DCLRE1C: variants seen among roughly 807,000 people sequenced by gnomAD.
DCLRE1C encodes DNA cross-link repair 1C.
A neutral mutation model predicts 61.4 loss-of-function variants in DCLRE1C; 47 were observed. The ratio of observed to expected loss-of-function variants is 0.77; its 90% CI spans 0.61 to 0.98. DCLRE1C has a LOEUF of 0.98. Ranked by LOEUF, DCLRE1C falls within the 50% of genes least tolerant of loss-of-function variation. DCLRE1C has a pLI of 0.00. For missense variants in DCLRE1C, 858 were observed against 816.0 expected, an observed-to-expected ratio of 1.05 and a Z score of -0.63; for synonymous variants, 337 against 287.6, an observed-to-expected ratio of 1.17 and a Z score of -1.74.
intron 3 of DCLRE1C, among the ~76,000 whole-genome samples, chr10:14,943,481 A>T (rs1254623944): frequency 6.6e-6 from 1 of 152,192 alleles, no homozygotes; most frequent in Non-Finnish European, 1.5e-5. Flanking sequence ...CCAAAATTTC[A>T]AATTTCAACC....
At position 14,912,234 on chromosome 10, in the gene DCLRE1C, T is replaced by A. The variant is rs113634873; in HGVS notation, c.1157-2904A>T. 4.8e-3 allele frequency among the ~76,000 whole-genome samples: 738 copies of A among 152,258 alleles called. 1 individual carries two copies. Among genetic ancestry groups the A allele is most frequent in the Middle Eastern group, 6.8e-3 (2 of 294 alleles). On this transcript the variant is annotated intron_variant, in intron 13 of 13. Coordinates refer to ENST00000378278, the MANE Select transcript of DCLRE1C (RefSeq NM_001033855.3). ...CCCAGCCTAATTTTTACTTTTTTTT[T>A]AAGCAGAGACAAGTTTTCACCATGT...
Position 14,946,679 on chromosome 10 carries a change from A to G in DCLRE1C, c.162-1490T>C, listed in dbSNP as rs12762383. 8.8e-5 allele frequency among the ~76,000 whole-genome samples: 12 copies of G among 137,056 alleles called. No individual in the cohort carries two copies. The South Asian group carries it at 2.8e-3, about 32-fold the overall frequency. The allele number at this position is 137,056 out of a possible 152,430, so 89.9% of individuals were successfully genotyped here. A position where few individuals can be genotyped will look rare whatever the true frequency, so the allele number is the denominator to read the frequency against. ...TCACGCTAAAGAGATTTTTTTTTTT[A>G]GGGGGAGGGGAGCTCACTGTCACCC... is the stretch of plus-strand genomic sequence containing the variant. On this transcript the variant is annotated intron_variant, in intron 2 of 13. Coordinates refer to ENST00000378278, the MANE Select transcript of DCLRE1C (RefSeq NM_001033855.3).
At chr10:14,949,241 T>A (rs1021949781) in intron 1 of DCLRE1C, among the ~76,000 whole-genome samples, 154 bp from the exon 2 acceptor site, 2 of 152,256 alleles carry the variant, frequency 1.3e-5, no homozygotes, top group Non-Finnish European at 2.9e-5. Flanking sequence ...CTCTTTCTTC[T>A]GCAAGTGAAG....
chr10:14,901,617 G>A (rs1196253866), downstream of DCLRE1C, among the ~76,000 whole-genome samples: 2 of 151,018 alleles, frequency 1.3e-5, no homozygotes, highest in South Asian at 2.1e-4. Flanking sequence ...CTGGGCTTGA[G>A]CCCAGGAATT....
intron 1 of DCLRE1C, among the ~76,000 whole-genome samples, chr10:14,950,287 C>A (rs1842268777): frequency 6.7e-6 from 1 of 148,998 alleles, no homozygotes; most frequent in Non-Finnish European, 1.5e-5. Flanking sequence ...TTGCGGTGAG[C>A]TGAGATTGTA....
At chr10:14,912,991 G>A (rs1453003175) in intron 13 of DCLRE1C, among the ~76,000 whole-genome samples, 2 of 141,860 alleles carry the variant, frequency 1.4e-5, no homozygotes, top group African/African-American at 5.2e-5. Context: ...CAATAGCTGG[G>A]ACTACAGGCG....
At position 14,954,042 on chromosome 10, in the gene DCLRE1C, A is replaced by G. The variant is rs369682983; in HGVS notation, c.-32T>C. 50 of 1,613,320 alleles carry G rather than the reference A, an allele frequency of 3.1e-5. No homozygotes were observed. The highest frequency in any genetic ancestry group is 2.5e-4 in the Admixed American group (15 of 59,992). Reference sequence around the variant, plus strand: ...GCCGATCCCAGAGTCCGGGACCCCAAAACCGCAGCTGAAGCCAAGGCCAGC... The same window carrying G: ...GCCGATCCCAGAGTCCGGGACCCCAGAACCGCAGCTGAAGCCAAGGCCAGC... On this transcript the variant is annotated 5_prime_UTR_variant, in exon 1 of 14. Coordinates refer to ENST00000378278, the MANE Select transcript of DCLRE1C (RefSeq NM_001033855.3).
intron 13 of DCLRE1C, 135 bp downstream of exon 13, chr10:14,919,603 G>A: frequency 1.3e-6 from 1 of 742,706 alleles, no homozygotes; most frequent in Non-Finnish European, 2.5e-6. Context: ...TACTTCCTGA[G>A]ACCATGTGTC....
chr10:14,914,661 C>A (rs183577073), intron 13 of DCLRE1C, among the ~76,000 whole-genome samples: 79 of 152,190 alleles, frequency 5.2e-4, no homozygotes, highest in African/African-American at 1.7e-3. Context: ...TCAAAAGTAC[C>A]AGGCCAGGTG....
At chr10:14,930,990 G>A (rs1168569685) in intron 9 of DCLRE1C, among the ~76,000 whole-genome samples, 1 of 152,064 alleles carries the variant, frequency 6.6e-6, no homozygotes, top group Non-Finnish European at 1.5e-5. Context: ...TTATCGTAAG[G>A]GCTAGGCAAC....
chr10:14,901,295 A>C (rs1054900549), downstream of DCLRE1C: 1 of 1,612,210 alleles, frequency 6.2e-7, no homozygotes, highest in Admixed American at 1.7e-5. Context: ...CATTGGTGTC[A>C]GTTTCAATAT....
At position 14,936,598 on chromosome 10, in the gene DCLRE1C, A is replaced by G. The variant is rs1315849470; in HGVS notation, c.307-5T>C. On this transcript the variant is annotated splice_polypyrimidine_tract_variant and splice_region_variant and intron_variant, in intron 4 of 13. Transcript: ENST00000378278. ...AGTCACAACAATCTCTTCCTTCTAA[A>G]AAGAAAATAAAGAAAAAATAGTAAT... is the stretch of plus-strand genomic sequence containing the variant. 2 of 1,606,066 alleles carry G rather than the reference A, an allele frequency of 1.2e-6. No individual in the cohort carries two copies. The highest frequency in any genetic ancestry group is 1.7e-6 in the Non-Finnish European group (2 of 1,173,600).
At position 14,951,389 on chromosome 10, in the gene DCLRE1C, C is replaced by CAA. The variant is rs60272216; in HGVS notation, c.110-2304_110-2303dup. ...TGGGTGACAGAGCAAAACCCTGTCT[C>CAA]AAAAAAAAAAAAAAAAAAAAAAAAA... On this transcript the variant is annotated intron_variant, in intron 1 of 13. Coordinates refer to ENST00000378278, the MANE Select transcript of DCLRE1C (RefSeq NM_001033855.3). Among the ~76,000 whole-genome samples the CAA allele has an allele frequency of 4.4e-3, 203 of 46,050 alleles. 6 individuals are homozygous for CAA. The highest frequency in any genetic ancestry group is 0.014 in the South Asian group (12 of 864). The allele number at this position is 46,050 out of a possible 152,430, so 30.2% of individuals were successfully genotyped here.
At chr10:14,932,744 G>T in intron 9 of DCLRE1C, 110 bp downstream of exon 9, 1 of 1,280,482 alleles carries the variant, frequency 7.8e-7, no homozygotes, top group Non-Finnish European at 1.1e-6. Context: ...TAGGATTGCA[G>T]CCTCAGGTTT....
At chr10:14,948,705 A>T (rs1040620267) in intron 2 of DCLRE1C, among the ~76,000 whole-genome samples, 3 of 151,024 alleles carry the variant, frequency 2.0e-5, no homozygotes, top group Admixed American at 6.6e-5. Context: ...GCAAAACTCC[A>T]TCTCTGTTTT....
chr10:14,898,754 T>TA (rs1201323236), exon 14 of DCLRE1C: 1 of 153,740 alleles, frequency 6.5e-6, no homozygotes, highest in Admixed American at 6.5e-5. Flanking sequence ...ATCTTAGACT[T>TA]ACAGAATTGC....
At position 14,905,193 on chromosome 10, in the gene DCLRE1C, A is replaced by G. The variant is rs1187511441; in HGVS notation, c.*3215T>C. Among the ~76,000 whole-genome samples the G allele has an allele frequency of 1.3e-5, 2 of 152,264 alleles. No homozygotes were observed. The highest frequency in any genetic ancestry group is 4.8e-5 in the African/African-American group (2 of 41,480). On this transcript the variant is annotated 3_prime_UTR_variant, in exon 14 of 14. Transcript: ENST00000378278. ...TTAAATGTTACTTTCCTTTTAAGAT[A>G]GCTTTCATGGTTCATGCATTTGATA...
At chr10:14,932,435 A>C (rs1839169357) in intron 9 of DCLRE1C, among the ~76,000 whole-genome samples, 1 of 152,086 alleles carries the variant, frequency 6.6e-6, no homozygotes, top group Non-Finnish European at 1.5e-5. Flanking sequence ...CAGGAGATTG[A>C]GACCATCCTG....
intron 13 of DCLRE1C, 136 bp from the exon 14 acceptor site, chr10:14,909,466 G>T: frequency 1.3e-6 from 1 of 762,658 alleles, no homozygotes; most frequent in Non-Finnish European, 2.1e-6. Context: ...GATATTCTTG[G>T]GATATGCTGA....
Sources: allele counts gnomAD v4.1 joint callset (sites outside exome capture counted in the v4.1 genomes callset), GRCh38; gene constraint gnomAD v4.1.1; transcripts MANE v1.5; gene names NCBI Gene and HGNC (gene_info 2026-07-23, HGNC 2026-07-21).